Variants in ARHGAP42 observed in about 807,000 individuals in gnomAD.
ARHGAP42 encodes Rho GTPase activating protein 42, also known as rho GTPase-activating protein 42.
Under a neutral mutation model 125.0 loss-of-function variants are expected in ARHGAP42, and 63 were observed. The observed-to-expected ratio is 0.50, with a 90% CI of 0.41 to 0.62. The LOEUF is 0.62. Among genes scored for constraint, ARHGAP42 ranks in the 20% least tolerant of loss-of-function variants. The probability of loss-of-function intolerance (pLI) is 0.00; values close to 1 mark genes in which losing one functional copy is unlikely to be tolerated. For synonymous variants in ARHGAP42, 339 were observed against 351.0 expected, an observed-to-expected ratio of 0.97 and a Z score of 0.38; for missense variants, 766 against 1,024.2, an observed-to-expected ratio of 0.75 and a Z score of 3.44.
At chr11:100,875,171 G>C (rs975498397) in intron 4 of ARHGAP42, among the ~76,000 whole-genome samples, 26 of 145,194 alleles carry the variant, frequency 1.8e-4, no homozygotes, top group African/African-American at 6.6e-4. Context: ...AACTATGAAT[G>C]GTTGTTACAT....
At position 100,913,486 on chromosome 11, in the gene ARHGAP42, A is replaced by T; in HGVS notation, c.419A>T (p.Lys140Ile). ...GKKKFDKESE[K>I]YYSILEKHLN... is the part of the protein sequence containing the mutation. Reference sequence around the variant, plus strand: ...AAGAAGTTTGACAAAGAGAGTGAAAAATATTACTCTATCCTTGAAAAGCAT... The same window carrying T: ...AAGAAGTTTGACAAAGAGAGTGAAATATATTACTCTATCCTTGAAAAGCAT... Residue 140 changes from lysine to isoleucine, a missense_variant, in exon 5 of 24, where the codon AAA (lysine) becomes ATA (isoleucine). Around this residue, in one of 3 missense-constraint regions of ARHGAP42, gnomAD observed 455 missense variants for 636.5 expected, o/e 0.71. Coordinates refer to ENST00000298815, the MANE Select transcript of ARHGAP42 (RefSeq NM_152432.4). 1 of 1,294,900 alleles carries T rather than the reference A, an allele frequency of 7.7e-7. No homozygotes were observed. The highest frequency in any genetic ancestry group is 1.3e-5 in the South Asian group (1 of 78,282). The allele number at this position is 1,294,900 out of a possible 1,614,324, so 80.2% of individuals were successfully genotyped here. A position where few individuals can be genotyped will look rare whatever the true frequency, so the allele number is the denominator to read the frequency against.
chr11:100,855,450 T>A (rs1404786051), intron 3 of ARHGAP42, among the ~76,000 whole-genome samples: 1 of 152,102 alleles, frequency 6.6e-6, no homozygotes, highest in Non-Finnish European at 1.5e-5. Context: ...CTACTTTTTT[T>A]AATGAATAAG....
chr11:100,718,681 G>A (rs1400664319), intron 1 of ARHGAP42, among the ~76,000 whole-genome samples: 1 of 152,098 alleles, frequency 6.6e-6, no homozygotes, highest in Non-Finnish European at 1.5e-5. Flanking sequence ...TCTACCATGT[G>A]GTGCATAGTA....
intron 12 of ARHGAP42, among the ~76,000 whole-genome samples, chr11:100,959,373 A>G (rs1312802359): frequency 6.6e-6 from 1 of 152,028 alleles, no homozygotes; most frequent in Non-Finnish European, 1.5e-5. Flanking sequence ...TAGAACATGG[A>G]GCGTAGAATC....
intron 11 of ARHGAP42, 89 bp downstream of exon 11, chr11:100,948,624 G>A: frequency 9.7e-7 from 1 of 1,027,112 alleles, no homozygotes; most frequent in Non-Finnish European, 1.4e-6. Flanking sequence ...ACAATGTTTT[G>A]CCTGTAGTAT....
intron 8 of ARHGAP42, among the ~76,000 whole-genome samples, chr11:100,937,131 A>G (rs1867758554): frequency 6.6e-6 from 1 of 152,194 alleles, no homozygotes; most frequent in Non-Finnish European, 1.5e-5. Flanking sequence ...CACAAATTTG[A>G]TTTGATCCAG....
At chr11:100,864,700 C>G (rs769128059) in intron 4 of ARHGAP42, among the ~76,000 whole-genome samples, 4 of 152,086 alleles carry the variant, frequency 2.6e-5, no homozygotes, top group African/African-American at 4.8e-5. Context: ...AGACCAGAAG[C>G]CTTTCTACTC....
intron 1 of ARHGAP42, among the ~76,000 whole-genome samples, chr11:100,725,874 G>T (rs1331406736): frequency 6.8e-6 from 1 of 146,992 alleles, no homozygotes; most frequent in African/African-American, 2.6e-5. Flanking sequence ...GGCGGAGCTT[G>T]CAATGAGCCG....
At chr11:100,720,334 G>C (rs4753981) in intron 1 of ARHGAP42, among the ~76,000 whole-genome samples, 75,566 of 152,030 alleles carry the variant, frequency 0.5, 19,996 homozygotes, top group African/African-American at 0.7. Flanking sequence ...TATGTAAGTT[G>C]TTCCTATGAA....
chr11:100,713,809 G>A (rs1861604279), intron 1 of ARHGAP42, among the ~76,000 whole-genome samples: 1 of 152,076 alleles, frequency 6.6e-6, no homozygotes. Flanking sequence ...GTGGCCTGCT[G>A]TATTCATTGC....
Position 100,976,512 on chromosome 11 carries a change from G to T in ARHGAP42, c.2236+75G>T, listed in dbSNP as rs56655861. ...GTGCTGGATTATTCAGCATGGTTAA[G>T]CAGGGATAAAGTTAATGGTGGAGAA... On this transcript the variant is annotated intron_variant, in intron 20 of 23. Coordinates refer to ENST00000298815, the MANE Select transcript of ARHGAP42 (RefSeq NM_152432.4). 36 of 1,449,628 alleles carry T rather than the reference G, an allele frequency of 2.5e-5. No homozygotes were observed. The South Asian group carries it at 5.3e-4, about 21-fold the overall frequency. The allele number at this position is 1,449,628 out of a possible 1,614,324, so 89.8% of individuals were successfully genotyped here. A position where few individuals can be genotyped will look rare whatever the true frequency, so the allele number is the denominator to read the frequency against.
chr11:100,990,806 C>T lies in ARHGAP42; in HGVS notation c.*2005C>T, dbSNP rs1179147253. 2.6e-5 allele frequency: 4 copies of T among 152,540 alleles called. No homozygotes were observed. The South Asian group carries it at 6.2e-4, about 24-fold the overall frequency. 9.4% of individuals were successfully genotyped at this position (152,540 alleles called of 1,614,324 possible). ...ATCTGGTATCCTGCTAGACTAGAAT[C>T]TCTTAAAAGCAAATTGGTTTTCTTT... On this transcript the variant is annotated 3_prime_UTR_variant, in exon 24 of 24. Coordinates refer to ENST00000298815, the MANE Select transcript of ARHGAP42 (RefSeq NM_152432.4).
At chr11:100,834,318 A>T (rs1023835832) in intron 3 of ARHGAP42, among the ~76,000 whole-genome samples, 3 of 152,070 alleles carry the variant, frequency 2.0e-5, no homozygotes, top group Non-Finnish European at 4.4e-5. Flanking sequence ...CATTTCTTTT[A>T]TGGGTCATTT....
At chr11:100,964,776 C>A (rs1414028600) in intron 16 of ARHGAP42, among the ~76,000 whole-genome samples, 3 of 152,130 alleles carry the variant, frequency 2.0e-5, no homozygotes, top group Admixed American at 6.5e-5. Context: ...GGCTAAAAAT[C>A]TGTTGGGCTT....
chr11:100,738,007 C>T (rs1189689625), intron 1 of ARHGAP42, among the ~76,000 whole-genome samples: 4 of 152,152 alleles, frequency 2.6e-5, no homozygotes, highest in Admixed American at 1.3e-4. Context: ...ACGTTTTGCA[C>T]ATAGTAGGCA....
chr11:100,761,471 T>C (rs549224346), intron 1 of ARHGAP42, among the ~76,000 whole-genome samples: 1 of 152,354 alleles, frequency 6.6e-6, no homozygotes, highest in East Asian at 1.9e-4. Flanking sequence ...GAACTTTCTG[T>C]TTTTAACTTG....
intron 3 of ARHGAP42, among the ~76,000 whole-genome samples, chr11:100,807,519 CCTT>C (rs1864026813): frequency 6.6e-6 from 1 of 152,104 alleles, no homozygotes; most frequent in Non-Finnish European, 1.5e-5. Flanking sequence ...GTTATTTGAT[CCTT>C]ACAACAATCT....
intron 4 of ARHGAP42, among the ~76,000 whole-genome samples, chr11:100,864,609 A>G (rs972422703): frequency 6.6e-6 from 1 of 152,188 alleles, no homozygotes; most frequent in Non-Finnish European, 1.5e-5. Flanking sequence ...CCAAAGGCTC[A>G]TCTTCCACAT....
chr11:100,697,803 C>G (rs1861312999), intron 1 of ARHGAP42, among the ~76,000 whole-genome samples: 1 of 152,128 alleles, frequency 6.6e-6, no homozygotes, highest in South Asian at 2.1e-4. Flanking sequence ...AGAATTTTCT[C>G]TTCTTCATTT....
Sources: allele counts gnomAD v4.1 joint callset (sites outside exome capture counted in the v4.1 genomes callset), GRCh38; gene constraint gnomAD v4.1.1; regional missense constraint gnomAD v4.1.1; transcripts MANE v1.5; gene names NCBI Gene and HGNC (gene_info 2026-07-23, HGNC 2026-07-21).